Variants in TYW1B observed in about 807,000 individuals in gnomAD.
TYW1B encodes the protein S-adenosyl-L-methionine-dependent tRNA 4-demethylwyosine synthase TYW1B.
TYW1B carries 73 observed loss-of-function variants against 86.9 expected under a neutral mutation model. That is an observed-to-expected ratio of 0.84 (90% CI 0.70 to 1.02). The LOEUF (loss-of-function observed/expected upper bound fraction) is 1.02. Ranked by LOEUF, TYW1B falls within the 50% of genes least tolerant of loss-of-function variation. The pLI is 0.00. For missense variants in TYW1B, 637 were observed against 827.4 expected, an observed-to-expected ratio of 0.77 and a Z score of 2.82; for synonymous variants, 248 against 292.8, an observed-to-expected ratio of 0.85 and a Z score of 1.56.
At chr7:72,627,512 T>TAACATAACATAACAC (rs782405637) in intron 12 of TYW1B, among the ~76,000 whole-genome samples, 42 of 143,326 alleles carry the variant, frequency 2.9e-4, no homozygotes, top group African/African-American at 1.1e-3. Flanking sequence ...TAACATAACA[T>TAACATAACATAACAC]AAATAAAATA....
intron 11 of TYW1B, among the ~76,000 whole-genome samples, chr7:72,648,350 C>T (rs1554442338): frequency 1.3e-5 from 2 of 151,900 alleles, no homozygotes; most frequent in Non-Finnish European, 2.9e-5. Context: ...TGAGACCAGC[C>T]TGGCCAACAT....
Position 72,799,910 on chromosome 7 carries a change from A to G in TYW1B, c.846+2490T>C, listed in dbSNP as rs184084270. 6.8e-3 allele frequency among the ~76,000 whole-genome samples: 1,028 copies of G among 152,198 alleles called. 14 individuals are homozygous for G. Among genetic ancestry groups the G allele is most frequent in the African/African-American group, 0.021 (883 of 41,540 alleles). On this transcript the variant is annotated intron_variant, in intron 6 of 13. Coordinates refer to ENST00000620995, the MANE Select transcript of TYW1B (RefSeq NM_001145440.3). The stretch of plus-strand genomic sequence containing the variant: ...CACTTTAAAGTCATTCATAAATTTA[A>G]TATTTTTTCATTGCTTCTAGATTTT...
intron 3 of TYW1B, 56 bp from the exon 4 acceptor site, chr7:72,810,721 G>A (rs1325972156): frequency 9.1e-6 from 14 of 1,530,134 alleles, no homozygotes; most frequent in South Asian, 2.6e-5. Context: ...TTATCTCAAC[G>A]AAGAAAATCC....
chr7:72,767,605 G>A (rs782554441), intron 7 of TYW1B, among the ~76,000 whole-genome samples: 20 of 151,642 alleles, frequency 1.3e-4, no homozygotes, highest in Admixed American at 2.0e-4. Flanking sequence ...GCAAGACCCC[G>A]TCTCAAAAAA....
At chr7:72,595,398 C>T (rs1352097623) in intron 13 of TYW1B, among the ~76,000 whole-genome samples, 2 of 152,100 alleles carry the variant, frequency 1.3e-5, no homozygotes, top group Non-Finnish European at 2.9e-5. Context: ...TCAACAATAG[C>T]CACCATAGTG....
intron 10 of TYW1B, among the ~76,000 whole-genome samples, chr7:72,699,705 A>G (rs1814412929): frequency 6.6e-6 from 1 of 151,270 alleles, no homozygotes; most frequent in Non-Finnish European, 1.5e-5. Flanking sequence ...GCTGGAGTGC[A>G]GGGGCGTGAT....
intron 7 of TYW1B, among the ~76,000 whole-genome samples, chr7:72,763,168 C>A (rs781852241): frequency 2.0e-5 from 3 of 151,184 alleles, no homozygotes; most frequent in Non-Finnish European, 2.9e-5. Flanking sequence ...AAAAAAAAAA[C>A]CAAAAGATTT....
chr7:72,683,398 C>T (rs1480166012), intron 11 of TYW1B, among the ~76,000 whole-genome samples: 3 of 152,052 alleles, frequency 2.0e-5, no homozygotes, highest in African/African-American at 4.8e-5. Context: ...GGTAAAACCC[C>T]GTCTCTAGTA....
chr7:72,813,576 C>G (rs1554478808), intron 3 of TYW1B, among the ~76,000 whole-genome samples: 2 of 152,212 alleles, frequency 1.3e-5, no homozygotes, highest in Non-Finnish European at 2.9e-5. Context: ...GCATTTCTAG[C>G]AAGTTCACAG....
chr7:72,634,794 A>G (rs1216744906), intron 11 of TYW1B, among the ~76,000 whole-genome samples: 3 of 152,152 alleles, frequency 2.0e-5, no homozygotes, highest in African/African-American at 7.2e-5. Context: ...TTTGTGAAGT[A>G]CTGGTTCAAA....
At chr7:72,696,616 C>T (rs1389578042) in intron 10 of TYW1B, among the ~76,000 whole-genome samples, 5 of 152,116 alleles carry the variant, frequency 3.3e-5, no homozygotes, top group Non-Finnish European at 7.3e-5. Context: ...TCCAGCCACA[C>T]AGGCAGATAT....
At chr7:72,655,732 C>T (rs1239536328) in intron 11 of TYW1B, among the ~76,000 whole-genome samples, 16 of 152,182 alleles carry the variant, frequency 1.1e-4, no homozygotes, top group African/African-American at 3.4e-4. Flanking sequence ...CTGGCAGGGC[C>T]GCCAATGTAC....
chr7:72,673,573 C>G (rs879990770), intron 11 of TYW1B, among the ~76,000 whole-genome samples: 10 of 152,048 alleles, frequency 6.6e-5, no homozygotes, highest in Non-Finnish European at 1.2e-4. Context: ...TGGAGACAGA[C>G]AGTAGAAGGA....
At position 72,575,316 on chromosome 7, in the gene TYW1B, C is replaced by A. The variant is rs1810995861; in HGVS notation, c.*182G>T. ...TGAGTTCTGAAAAGAAACATCGGGG[C>A]TGTGGCCCAGGCCCTCTGAGTGTGG... On this transcript the variant is annotated 3_prime_UTR_variant, in exon 14 of 14. Transcript: ENST00000620995. 2 of 1,426,852 alleles carry A rather than the reference C, an allele frequency of 1.4e-6. No individual in the cohort carries two copies. The highest frequency in any genetic ancestry group is 1.8e-6 in the Non-Finnish European group (2 of 1,089,010). 88.4% of individuals were successfully genotyped at this position (1,426,852 alleles called of 1,614,324 possible).
At chr7:72,656,509 G>A (rs563638816) in intron 11 of TYW1B, among the ~76,000 whole-genome samples, 1 of 152,106 alleles carries the variant, frequency 6.6e-6, no homozygotes, top group Non-Finnish European at 1.5e-5. Flanking sequence ...TTGGGAAGCT[G>A]AGGCATGAGA....
chr7:72,739,955 G>A (rs1244614003), intron 8 of TYW1B, among the ~76,000 whole-genome samples: 7 of 148,090 alleles, frequency 4.7e-5, no homozygotes, highest in African/African-American at 1.7e-4. Flanking sequence ...TTCCAGGCCG[G>A]GTATGGTGGC....
intron 7 of TYW1B, among the ~76,000 whole-genome samples, chr7:72,748,687 ATGAC>A (rs1209185435): frequency 2.0e-5 from 3 of 151,670 alleles, no homozygotes; most frequent in Admixed American, 6.6e-5. Flanking sequence ...ATCAATTGAT[ATGAC>A]TGACTGATTT....
In TYW1B at chr7:72,789,380, C is replaced by T. The variant is rs34299419; in HGVS notation, c.847-11847G>A. Among the ~76,000 whole-genome samples the T allele has an allele frequency of 3.3e-5, 5 of 152,186 alleles. No homozygotes were observed. The South Asian group carries it at 1.0e-3, about 31-fold the overall frequency. ...CGAACTCCTGACCTCAGGTGATCTG[C>T]CCGCCTCGGCCTCCCAAACTACTGG... On this transcript the variant is annotated intron_variant, in intron 6 of 13. Coordinates refer to ENST00000620995, the MANE Select transcript of TYW1B (RefSeq NM_001145440.3).
At chr7:72,642,414 A>G (rs1173658957) in intron 11 of TYW1B, among the ~76,000 whole-genome samples, 1 of 152,246 alleles carries the variant, frequency 6.6e-6, no homozygotes, top group Non-Finnish European at 1.5e-5. Context: ...ATATAGAATT[A>G]CTATATGACC....
Sources: gnomAD v4.1 joint callset for allele counts (sites outside exome capture counted in the v4.1 genomes callset) on GRCh38, gnomAD v4.1.1 for gene constraint, MANE v1.5 for transcripts, NCBI Gene and HGNC (gene_info 2026-07-23, HGNC 2026-07-21) for gene names.